TSHZ2: variants seen among roughly 807,000 people sequenced by gnomAD.
The protein encoded by TSHZ2 is teashirt zinc finger homeobox 2.
A neutral mutation model predicts 74.4 loss-of-function variants in TSHZ2; 21 were observed. The ratio of observed to expected loss-of-function variants is 0.28; its 90% CI spans 0.20 to 0.41. TSHZ2 has a LOEUF of 0.41. Among genes scored for constraint, TSHZ2 ranks in the 10% least tolerant of loss-of-function variants. The probability of loss-of-function intolerance (pLI) is 1.00; values close to 1 mark genes in which losing one functional copy is unlikely to be tolerated. For synonymous variants in TSHZ2, 540 were observed against 515.3 expected (o/e 1.05, Z -0.65); for missense variants, 1,244 against 1,293.5 (o/e 0.96, Z 0.59).
rs936967397 is a variant in TSHZ2, at chr20:53,255,245, C to A, written c.1787C>A (p.Pro596His). The change falls in exon 2 of 3, where the codon CCT becomes CAT. Residue 596 changes from proline (P) to histidine (H), a missense_variant. By Grantham distance (77) the Pro-to-His change is moderately conservative. Coordinates refer to ENST00000371497, the MANE Select transcript of TSHZ2 (RefSeq NM_173485.6). The surrounding 1 kb of genome is among the most constrained non-coding windows in gnomAD (Gnocchi z 4.1). ...PLVSMPTHLA[P>H]YTQVKKESED... ...GTTTCTATGCCCACACACCTGGCCC[C>A]TTACACTCAAGTCAAGAAAGAGTCA... 2.5e-6 allele frequency: 4 copies of A among 1,614,218 alleles called. No homozygotes were observed. Among genetic ancestry groups the A allele is most frequent in the Non-Finnish European group, 3.4e-6 (4 of 1,180,032 alleles).
At chr20:53,164,094 T>C (rs1427323283) in intron 1 of TSHZ2, among the ~76,000 whole-genome samples, 1 of 152,184 alleles carries the variant, frequency 6.6e-6, no homozygotes, top group African/African-American at 2.4e-5. Flanking sequence ...TTTTGTACTA[T>C]AAACACCACT....
At chr20:53,084,488 C>T (rs1313522322) in intron 1 of TSHZ2, among the ~76,000 whole-genome samples, 1 of 152,064 alleles carries the variant, frequency 6.6e-6, no homozygotes, top group Non-Finnish European at 1.5e-5. Flanking sequence ...GTTGACTAAA[C>T]TTCTATCAGT....
At chr20:53,108,620 C>T (rs1186869526) in intron 1 of TSHZ2, among the ~76,000 whole-genome samples, 1 of 150,900 alleles carries the variant, frequency 6.6e-6, no homozygotes, top group Admixed American at 6.6e-5. Flanking sequence ...CCATATGGCT[C>T]CAATATCCAG....
At position 53,256,084 on chromosome 20, in the gene TSHZ2, G is replaced by A; in HGVS notation, c.2626G>A (p.Asp876Asn). 1 of 1,614,152 alleles carries A rather than the reference G, an allele frequency of 6.2e-7. No individual in the cohort carries two copies. Among genetic ancestry groups the A allele is most frequent in the Non-Finnish European group, 8.5e-7 (1 of 1,180,016 alleles). ...QTSEGKYLLS[D>N]LGPQERMQIS... is the part of the protein sequence containing the mutation. ...ATCAGAGGGCAAATACCTGCTGTCTGATCTGGGCCCACAAGAGCGTATGCA... is the reference window on the plus strand; with the variant it reads ...ATCAGAGGGCAAATACCTGCTGTCTAATCTGGGCCCACAAGAGCGTATGCA... Residue 876 changes from aspartate to asparagine, a missense_variant, in exon 2 of 3, where the codon GAT becomes AAT. By Grantham distance (23) the Asp-to-Asn change is conservative. Coordinates refer to ENST00000371497, the MANE Select transcript of TSHZ2 (RefSeq NM_173485.6). This position sits in a 1 kb window ranked among gnomAD's most constrained non-coding sequence, Gnocchi z 4.3.
intron 2 of TSHZ2, among the ~76,000 whole-genome samples, chr20:53,463,561 G>C (rs1442594302): frequency 6.6e-6 from 1 of 152,052 alleles, no homozygotes; most frequent in African/African-American, 2.4e-5. Flanking sequence ...TCTGAAAGAA[G>C]GATTAACTGA....
intron 1 of TSHZ2, among the ~76,000 whole-genome samples, chr20:53,148,424 C>T (rs1220591441): frequency 6.6e-6 from 1 of 152,104 alleles, no homozygotes; most frequent in African/African-American, 2.4e-5. Context: ...CTTCGAACCT[C>T]AATAGTGTTG....
intron 1 of TSHZ2, among the ~76,000 whole-genome samples, chr20:53,149,671 T>C (rs1478086129): frequency 6.6e-6 from 1 of 152,182 alleles, no homozygotes; most frequent in Non-Finnish European, 1.5e-5. Context: ...ATGTAGGGCA[T>C]GGAGACAGAC....
chr20:53,226,394 TAGC>T (rs1271136138), intron 1 of TSHZ2, among the ~76,000 whole-genome samples: 2 of 152,030 alleles, frequency 1.3e-5, no homozygotes, highest in African/African-American at 4.8e-5. Context: ...GCTCAGTAAA[TAGC>T]AGCTGTTATT....
chr20:53,054,554 C>T (rs1269742725), intron 1 of TSHZ2, among the ~76,000 whole-genome samples: 3 of 152,188 alleles, frequency 2.0e-5, no homozygotes, highest in East Asian at 1.9e-4. Context: ...TCCATTGAAA[C>T]ATCTGAAACC....
chr20:53,188,715 A>G (rs1383881716), intron 1 of TSHZ2, among the ~76,000 whole-genome samples: 1 of 152,212 alleles, frequency 6.6e-6, no homozygotes, highest in Non-Finnish European at 1.5e-5. Flanking sequence ...ATGAATACAT[A>G]TTAATAAACA....
chr20:53,106,811 C>T (rs1986389595), intron 1 of TSHZ2, among the ~76,000 whole-genome samples: 2 of 151,462 alleles, frequency 1.3e-5, no homozygotes, highest in African/African-American at 4.9e-5. Context: ...GATTCTCCAG[C>T]CTCAGCCTCC....
At chr20:53,122,737 A>G (rs1312679094) in intron 1 of TSHZ2, among the ~76,000 whole-genome samples, 1 of 152,182 alleles carries the variant, frequency 6.6e-6, no homozygotes, top group African/African-American at 2.4e-5. Context: ...CTACCTAGAC[A>G]CACCAAAGAT....
intron 2 of TSHZ2, among the ~76,000 whole-genome samples, chr20:53,335,666 A>G (rs1051687888): frequency 6.6e-6 from 1 of 152,232 alleles, no homozygotes; most frequent in Non-Finnish European, 1.5e-5. Flanking sequence ...GCTTTGGGGA[A>G]GGGTGAGAAG....
intron 2 of TSHZ2, among the ~76,000 whole-genome samples, chr20:53,367,159 G>T (rs1009386295): frequency 6.6e-6 from 1 of 152,046 alleles, no homozygotes; most frequent in African/African-American, 2.4e-5. Flanking sequence ...ACTTTGGGAG[G>T]CTGAGGTGAG....
intron 1 of TSHZ2, among the ~76,000 whole-genome samples, chr20:52,992,989 G>A (rs1982048844): frequency 6.6e-6 from 1 of 152,062 alleles, no homozygotes; most frequent in Admixed American, 6.6e-5. Context: ...GGAATTTACA[G>A]GTTTTTTTCT....
In TSHZ2 at chr20:53,245,496, G is replaced by C. The variant is rs1990179741; in HGVS notation, c.41-8003G>C. Among the ~76,000 whole-genome samples, 5 of 152,162 alleles carry C rather than the reference G, an allele frequency of 3.3e-5. No homozygotes were observed. The South Asian group carries it at 1.0e-3, about 31-fold the overall frequency. On this transcript the variant is annotated intron_variant, in intron 1 of 2. Coordinates refer to ENST00000371497, the MANE Select transcript of TSHZ2 (RefSeq NM_173485.6). ...AGTTGTATGATCTTTTCACAAAGCT[G>C]GTTCCCACATACACTGGTGAACATA...
At chr20:53,114,804 C>T (rs1986625776) in intron 1 of TSHZ2, among the ~76,000 whole-genome samples, 1 of 151,864 alleles carries the variant, frequency 6.6e-6, no homozygotes, top group Non-Finnish European at 1.5e-5. Flanking sequence ...TATTTTATGC[C>T]TGGGGTGTGT....
chr20:53,114,215 G>A (rs182522573), intron 1 of TSHZ2, among the ~76,000 whole-genome samples: 26 of 151,924 alleles, frequency 1.7e-4, no homozygotes, highest in Admixed American at 5.9e-4. Context: ...ATAAATTTGC[G>A]TCTGGGATTA....
intron 2 of TSHZ2, among the ~76,000 whole-genome samples, chr20:53,299,677 A>G (rs1025431351): frequency 1.3e-5 from 2 of 152,202 alleles, no homozygotes; most frequent in African/African-American, 4.8e-5. Context: ...CTTTGACACT[A>G]CTCAGCCAGT....
Sources: allele counts gnomAD v4.1 joint callset (sites outside exome capture counted in the v4.1 genomes callset), GRCh38; gene constraint gnomAD v4.1.1; non-coding constraint Gnocchi (gnomAD v3.1); transcripts MANE v1.5; gene names NCBI Gene and HGNC (gene_info 2026-07-23, HGNC 2026-07-21).